The following SVOP variants were observed in gnomAD, a reference collection of about 807,000 sequenced individuals.
SVOP encodes synaptic vesicle 2-related protein.
In SVOP, 17 loss-of-function variants were observed where a neutral mutation model predicts 69.1. The observed-to-expected ratio is 0.25, with a 90% CI of 0.17 to 0.37. SVOP has a LOEUF of 0.37. Among genes scored for constraint, SVOP ranks in the 10% least tolerant of loss-of-function variants. The pLI is 1.00. For missense variants in SVOP, 435 were observed against 597.5 expected (o/e 0.73, Z 2.84); for synonymous variants, 238 against 238.6 (o/e 1.00, Z 0.02).
intron 11 of SVOP, among the ~76,000 whole-genome samples, chr12:108,933,289 A>T (rs946276624): frequency 6.6e-6 from 1 of 152,258 alleles, no homozygotes; most frequent in East Asian, 1.9e-4. Context: ...AAGTAGGAAG[A>T]TCTCTTGAGC....
rs1227520480 is a variant in SVOP at position 108,915,862 on chromosome 12, G to A, written c.1361C>T (p.Thr454Met). The change falls in exon 15 of 16, where the codon ACG (threonine) becomes ATG (methionine). Residue 454 changes from threonine to methionine, a missense_variant. Coordinates refer to ENST00000610966, the MANE Select transcript of SVOP (RefSeq NM_018711.5). ...GCCCAGGCCGAGGGCCCGCGTTGCC[G>A]TGGGGTAGACCTGAAACACAGCAGC... ...AYVYTPEVYPTATRALGLGTC... is the reference protein window; with the variant it reads ...AYVYTPEVYPMATRALGLGTC... 8 of 1,605,222 alleles carry A rather than the reference G, an allele frequency of 5.0e-6. No individual in the cohort carries two copies. Among genetic ancestry groups the A allele is most frequent in the Non-Finnish European group, 6.0e-6 (7 of 1,176,184 alleles).
chr12:108,955,763 C>T (rs1345784977), intron 6 of SVOP, among the ~76,000 whole-genome samples: 1 of 152,218 alleles, frequency 6.6e-6, no homozygotes, highest in Non-Finnish European at 1.5e-5. Context: ...AGATCAAATG[C>T]TTGTTAATAA....
chr12:108,962,281 T>C lies in SVOP; in HGVS notation c.454-1234A>G, dbSNP rs2040022264. Among the ~76,000 whole-genome samples the C allele has an allele frequency of 2.0e-5, 3 of 152,190 alleles. No homozygotes were observed. In the South Asian group the frequency reaches 6.2e-4, roughly 32 times the overall value. On this transcript the variant is annotated intron_variant, in intron 5 of 15. Transcript: ENST00000610966. ...GCCTGGCTAATTTTTGTATATTTTA[T>C]AGACATGGGGTTTCACCATGTTGCC...
At chr12:109,019,014 C>G (rs1040036157) in intron 1 of SVOP, among the ~76,000 whole-genome samples, 1 of 152,020 alleles carries the variant, frequency 6.6e-6, no homozygotes, top group Admixed American at 6.6e-5. Context: ...GGATTTGAAC[C>G]CAAGTATGTC....
intron 12 of SVOP, among the ~76,000 whole-genome samples, chr12:108,920,163 G>A (rs1282014204): frequency 5.9e-5 from 9 of 152,322 alleles, no homozygotes; most frequent in African/African-American, 2.2e-4. Flanking sequence ...AGTGGATCCT[G>A]CCCCAGCTGA....
Position 108,909,187 on chromosome 12 carries a change from G to C in SVOP, c.*3348C>G, listed in dbSNP as rs1464844081. 1.3e-5 allele frequency: 2 copies of C among 152,184 alleles called. No individual in the cohort carries two copies. Among genetic ancestry groups the C allele is most frequent in the Non-Finnish European group, 1.5e-5 (1 of 68,042 alleles). 9.4% of individuals were successfully genotyped at this position (152,184 alleles called of 1,614,324 possible). The stretch of plus-strand genomic sequence containing the variant: ...CATTGTTGAGCGTTGAACCTTCTCT[G>C]ATCTCTGCCTGGTTTTGGTTCTAAT... On this transcript the variant is annotated 3_prime_UTR_variant, in exon 16 of 16. Transcript: ENST00000610966.
At chr12:108,996,419 A>G (rs952642471) in intron 1 of SVOP, among the ~76,000 whole-genome samples, 3 of 152,134 alleles carry the variant, frequency 2.0e-5, no homozygotes, top group Admixed American at 1.3e-4. Context: ...TTAGCTGTGC[A>G]TGGTGACTCA....
intron 6 of SVOP, among the ~76,000 whole-genome samples, chr12:108,955,472 C>T (rs1371007308): frequency 1.3e-5 from 2 of 152,204 alleles, no homozygotes; most frequent in Non-Finnish European, 2.9e-5. Context: ...GGTTTGTAAG[C>T]TCATCCCAGA....
At chr12:108,928,921 C>G (rs1260025624) in intron 11 of SVOP, among the ~76,000 whole-genome samples, 1 of 152,140 alleles carries the variant, frequency 6.6e-6, no homozygotes, top group African/African-American at 2.4e-5. Context: ...GAGAGGTGCC[C>G]TGCCTATACC....
intron 3 of SVOP, 87 bp from the exon 4 acceptor site, chr12:108,977,583 A>C (rs2040113661): frequency 1.2e-6 from 1 of 807,368 alleles, no homozygotes; most frequent in Non-Finnish European, 2.0e-6. Context: ...AGAGACAGAG[A>C]CTGTAGCACA....
At chr12:108,977,569 C>T (rs1007854710) in intron 3 of SVOP, 73 bp from the exon 4 acceptor site, 2 of 997,390 alleles carry the variant, frequency 2.0e-6, no homozygotes, top group Non-Finnish European at 3.0e-6. Flanking sequence ...AAGTCCATAA[C>T]CCCAGAGACA....
At chr12:109,020,445 G>A (rs181926295) in intron 1 of SVOP, among the ~76,000 whole-genome samples, 1 of 152,212 alleles carries the variant, frequency 6.6e-6, no homozygotes, top group East Asian at 1.9e-4. Context: ...GGATTTCACA[G>A]CATAGGATTA....
In SVOP at chr12:109,012,410, T is replaced by G. The variant is rs921582354; in HGVS notation, c.35+8424A>C. Among the ~76,000 whole-genome samples the G allele has an allele frequency of 1.2e-4, 18 of 152,136 alleles. 1 individual carries two copies. Among genetic ancestry groups the G allele is most frequent in the African/African-American group, 3.6e-4 (15 of 41,424 alleles). On this transcript the variant is annotated intron_variant, in intron 1 of 15. Coordinates refer to ENST00000610966, the MANE Select transcript of SVOP (RefSeq NM_018711.5). ...AATTGCTAAGAAAGGAGATTTTAAGTGTACTCACCACAAAAAAGGATGTGA... is the reference window on the plus strand; with the variant it reads ...AATTGCTAAGAAAGGAGATTTTAAGGGTACTCACCACAAAAAAGGATGTGA...
chr12:108,972,271 T>C, intron 5 of SVOP, 134 bp downstream of exon 5: 1 of 805,266 alleles, frequency 1.2e-6, no homozygotes, highest in Admixed American at 2.1e-5. Flanking sequence ...CTTACAGCAA[T>C]GTCTTCTCAC....
intron 7 of SVOP, among the ~76,000 whole-genome samples, chr12:108,943,851 C>G (rs981232102): frequency 2.7e-5 from 4 of 146,496 alleles, no homozygotes; most frequent in Non-Finnish European, 4.5e-5. Context: ...TCCTTCTTCT[C>G]CCTTCCTCTT....
chr12:108,968,317 A>G (rs1057129208), intron 5 of SVOP, among the ~76,000 whole-genome samples: 1 of 152,210 alleles, frequency 6.6e-6, no homozygotes, highest in Non-Finnish European at 1.5e-5. Context: ...AATTCCCTCC[A>G]CACTCTTCAG....
chr12:108,979,635 T>G (rs1476316353), intron 2 of SVOP, among the ~76,000 whole-genome samples: 4 of 152,240 alleles, frequency 2.6e-5, no homozygotes, highest in Non-Finnish European at 5.9e-5. Flanking sequence ...TGTGGAAAGG[T>G]ATGTACCAGA....
At chr12:108,988,997 T>C (rs146156304) in intron 1 of SVOP, among the ~76,000 whole-genome samples, 25,860 of 151,954 alleles carry the variant, frequency 0.17, 2,440 homozygotes, top group Non-Finnish European at 0.19. Flanking sequence ...GATCTCGAAC[T>C]CCTGACCTCA....
At position 108,911,534 on chromosome 12, in the gene SVOP, C is replaced by T. The variant is rs1316256464; in HGVS notation, c.*1001G>A. 6.6e-6 allele frequency: 1 copy of T among 152,108 alleles called. No individual in the cohort carries two copies. The highest frequency in any genetic ancestry group is 1.5e-5 in the Non-Finnish European group (1 of 68,092). The allele number at this position is 152,108 out of a possible 1,614,324, so 9.4% of individuals were successfully genotyped here. A position where few individuals can be genotyped will look rare whatever the true frequency, so the allele number is the denominator to read the frequency against. Reference sequence around the variant, plus strand: ...GACCAGCCTGGCCAACATGGTGAAACCCTGTCTCTACTAAAAAGTACAGGT... The same window carrying T: ...GACCAGCCTGGCCAACATGGTGAAATCCTGTCTCTACTAAAAAGTACAGGT... On this transcript the variant is annotated 3_prime_UTR_variant, in exon 16 of 16. Transcript: ENST00000610966.
Sources: allele counts gnomAD v4.1 joint callset (sites outside exome capture counted in the v4.1 genomes callset), GRCh38; gene constraint gnomAD v4.1.1; transcripts MANE v1.5; gene names NCBI Gene and HGNC (gene_info 2026-07-23, HGNC 2026-07-21).